The following RYR3 variants were observed in gnomAD, a reference collection of about 807,000 sequenced individuals.
RYR3 encodes the protein ryanodine receptor 3, also known as brain ryanodine receptor-calcium release channel.
RYR3 carries 207 observed loss-of-function variants against 584.3 expected under a neutral mutation model. The observed-to-expected ratio is 0.35, with a 90% CI of 0.32 to 0.40. The LOEUF (loss-of-function observed/expected upper bound fraction) is 0.40. Ranked by LOEUF, RYR3 falls within the 10% of genes least tolerant of loss-of-function variation. The pLI, the probability that RYR3 is intolerant of heterozygous loss-of-function variation, is 1.00. For synonymous variants in RYR3, 2,416 were observed against 2,248.5 expected, an observed-to-expected ratio of 1.07 and a Z score of -2.11; for missense variants, 5,616 against 6,089.2, an observed-to-expected ratio of 0.92 and a Z score of 2.59.
intron 1 of RYR3, among the ~76,000 whole-genome samples, chr15:33,460,576 C>T (rs1465928882): frequency 6.6e-6 from 1 of 152,178 alleles, no homozygotes; most frequent in Non-Finnish European, 1.5e-5. Flanking sequence ...TTGAAGCTTT[C>T]TTGTATTCTG....
chr15:33,721,371 T>C (rs2067893510), intron 43 of RYR3, among the ~76,000 whole-genome samples: 1 of 152,200 alleles, frequency 6.6e-6, no homozygotes, highest in Non-Finnish European at 1.5e-5. Flanking sequence ...CCACCTAGCT[T>C]AGCGACTTCA....
intron 67 of RYR3, among the ~76,000 whole-genome samples, chr15:33,800,063 TC>T (rs2075841056): frequency 6.6e-6 from 1 of 152,166 alleles, no homozygotes; most frequent in Admixed American, 6.5e-5. Flanking sequence ...ACGACTGAAT[TC>T]CTGAAACTGC....
chr15:33,383,409 G>A (rs866265198), intron 1 of RYR3, among the ~76,000 whole-genome samples: 2 of 151,364 alleles, frequency 1.3e-5, no homozygotes, highest in African/African-American at 2.4e-5. Context: ...ACCTCTGACT[G>A]GTGATCCCTG....
At position 33,818,758 on chromosome 15, in the gene RYR3, A is replaced by G. The variant is rs923906565; in HGVS notation, c.10706+74A>G. 13 of 1,059,034 alleles carry G rather than the reference A, an allele frequency of 1.2e-5. No homozygotes were observed. In the Admixed American group the frequency reaches 1.2e-4, roughly 10 times the overall value. 65.6% of individuals were successfully genotyped at this position (1,059,034 alleles called of 1,614,324 possible). A position where few individuals can be genotyped will look rare whatever the true frequency, so the allele number is the denominator to read the frequency against. ...TGTCCACTCCTGACCTTCTTCTCTC[A>G]GACGGCAGTGGGTGGAAAAGGGAAG... On this transcript the variant is annotated intron_variant, in intron 76 of 103. Transcript: ENST00000634891.
intron 1 of RYR3, among the ~76,000 whole-genome samples, chr15:33,472,002 C>T (rs891134197): frequency 4.6e-5 from 7 of 152,160 alleles, no homozygotes; most frequent in Admixed American, 2.0e-4. Flanking sequence ...TTTCACTAAA[C>T]CCCCACTTTT....
intron 29 of RYR3, among the ~76,000 whole-genome samples, chr15:33,647,069 C>A (rs1441661877): frequency 6.6e-6 from 1 of 152,126 alleles, no homozygotes; most frequent in Non-Finnish European, 1.5e-5. Flanking sequence ...GTTGGGGTTT[C>A]CTCTAGAGTT....
chr15:33,636,567 C>T lies in RYR3; in HGVS notation c.3556+17C>T, dbSNP rs1595915637. 6.4e-7 allele frequency: 1 copy of T among 1,556,518 alleles called. No homozygotes were observed. The highest frequency in any genetic ancestry group is 8.7e-7 in the Non-Finnish European group (1 of 1,154,462). ...TTGAGAATGGTAAATCTAACACCCT[C>T]TGCCAACCCCAGCTCCATGAGGCTG... On this transcript the variant is annotated intron_variant, in intron 27 of 103. Transcript: ENST00000634891.
At chr15:33,520,687 T>C (rs1040259273) in intron 3 of RYR3, among the ~76,000 whole-genome samples, 3 of 151,758 alleles carry the variant, frequency 2.0e-5, no homozygotes, top group Non-Finnish European at 3.0e-5. Context: ...TATCTGGCGA[T>C]TTGCTCTTTT....
At chr15:33,793,084 A>G (rs1323577702) in intron 67 of RYR3, among the ~76,000 whole-genome samples, 1 of 152,200 alleles carries the variant, frequency 6.6e-6, no homozygotes, top group Non-Finnish European at 1.5e-5. Flanking sequence ...CTCAGATTTG[A>G]TAATTCACTG....
At chr15:33,474,019 A>G (rs944386873) in intron 2 of RYR3, among the ~76,000 whole-genome samples, 11 of 152,126 alleles carry the variant, frequency 7.2e-5, no homozygotes, top group African/African-American at 2.7e-4. Flanking sequence ...ACGAGGGCAG[A>G]GAGTAATGTT....
chr15:33,349,710 C>G (rs1283248281), intron 1 of RYR3, among the ~76,000 whole-genome samples: 1 of 149,444 alleles, frequency 6.7e-6, no homozygotes, highest in East Asian at 2.0e-4. Flanking sequence ...CGTCATCTAG[C>G]ATTAGGTATA....
At chr15:33,374,816 C>G (rs1299502721) in intron 1 of RYR3, among the ~76,000 whole-genome samples, 1 of 152,210 alleles carries the variant, frequency 6.6e-6, no homozygotes, top group African/African-American at 2.4e-5. Flanking sequence ...CTCCAGGACA[C>G]TCAGCAGCTG....
chr15:33,654,681 A>T (rs1266886082), intron 32 of RYR3, among the ~76,000 whole-genome samples: 1 of 152,100 alleles, frequency 6.6e-6, no homozygotes, highest in Non-Finnish European at 1.5e-5. Context: ...AAAGCTAGGG[A>T]GATATAGATA....
intron 1 of RYR3, among the ~76,000 whole-genome samples, chr15:33,400,343 C>A (rs2042568436): frequency 6.6e-6 from 1 of 152,164 alleles, no homozygotes; most frequent in Non-Finnish European, 1.5e-5. Context: ...CTACCTACCA[C>A]CAACGAAAAG....
At chr15:33,453,538 G>A (rs1380184817) in intron 1 of RYR3, among the ~76,000 whole-genome samples, 3 of 152,136 alleles carry the variant, frequency 2.0e-5, no homozygotes, top group Non-Finnish European at 4.4e-5. Flanking sequence ...CAGTTCTGTA[G>A]GTTTGGTGCA....
chr15:33,494,460 TCTCCTGGTG>T (rs1349382222), intron 2 of RYR3, among the ~76,000 whole-genome samples: 1 of 152,148 alleles, frequency 6.6e-6, no homozygotes, highest in Non-Finnish European at 1.5e-5. Flanking sequence ...GCTTTAGAAG[TCTCCTGGTG>T]CTATGATAGT....
At chr15:33,444,302 G>A (rs1263549550) in intron 1 of RYR3, among the ~76,000 whole-genome samples, 1 of 152,078 alleles carries the variant, frequency 6.6e-6, no homozygotes, top group Non-Finnish European at 1.5e-5. Flanking sequence ...CAGCCAATTT[G>A]CATTTTAATT....
At chr15:33,601,255 C>T (rs146281072) in intron 16 of RYR3, among the ~76,000 whole-genome samples, 164 bp from the exon 17 acceptor site, 11 of 152,156 alleles carry the variant, frequency 7.2e-5, no homozygotes, top group African/African-American at 9.7e-5. Context: ...AGGCATCACT[C>T]GCTCCTTCTG....
Position 33,539,413 on chromosome 15 carries a change from G to A in RYR3, c.497G>A (p.Arg166Gln). Residue 166 changes from arginine to glutamine, a missense_variant, in exon 6 of 104, where the codon CGA (arginine) becomes CAA (glutamine). Around this residue, in one of 9 missense-constraint regions of RYR3, gnomAD observed 1,284 missense variants for 1,344.6 expected, o/e 0.95. Coordinates refer to ENST00000634891, the MANE Select transcript of RYR3 (RefSeq NM_001036.6). ...SKQRSEGEKV[R>Q]IGDDLILVSV... ...CAGAGGTCCGAAGGAGAGAAAGTTC[G>A]AATTGGCGATGACCTCATCCTCGTC... The A allele has an allele frequency of 1.9e-6, 3 of 1,603,316 alleles. No individual in the cohort carries two copies. In the South Asian group the frequency reaches 3.4e-5, roughly 18 times the overall value.
Sources: allele counts gnomAD v4.1 joint callset (sites outside exome capture counted in the v4.1 genomes callset), GRCh38; gene constraint gnomAD v4.1.1; regional missense constraint gnomAD v4.1.1; transcripts MANE v1.5; gene names NCBI Gene and HGNC (gene_info 2026-07-23, HGNC 2026-07-21).